The following MBNL3 variants were observed in gnomAD, a reference collection of about 807,000 sequenced individuals.
MBNL3 encodes the protein muscleblind like splicing regulator 3.
MBNL3 carries 6 observed loss-of-function variants against 24.5 expected under a neutral mutation model. The ratio of observed to expected loss-of-function variants is 0.25; its 90% CI spans 0.13 to 0.48. The LOEUF is 0.48. MBNL3 is among the 20% of genes least tolerant of loss of function. MBNL3 has a pLI of 0.99. For missense variants in MBNL3, 230 were observed against 293.5 expected, an observed-to-expected ratio of 0.78 and a Z score of 1.58; for synonymous variants, 100 against 101.7, an observed-to-expected ratio of 0.98 and a Z score of 0.10.
intron 1 of MBNL3, among the ~76,000 whole-genome samples, chrX:132,456,437 T>G (rs1034449371): frequency 8.9e-6 from 1 of 112,131 alleles, no homozygotes; most frequent in Non-Finnish European, 1.9e-5. Context: ...TATTTGTATC[T>G]TCCAAGGTCA....
intron 1 of MBNL3, among the ~76,000 whole-genome samples, chrX:132,447,851 A>C (rs1025393032): frequency 1.8e-5 from 2 of 112,261 alleles, no homozygotes; most frequent in African/African-American, 6.5e-5. Context: ...GAATGCTTCC[A>C]GTTTTTGACC....
At chrX:132,424,681 A>G (rs907053938) in intron 2 of MBNL3, among the ~76,000 whole-genome samples, 4 of 110,779 alleles carry the variant, frequency 3.6e-5, no homozygotes, top group African/African-American at 9.8e-5. Context: ...ATACATTATT[A>G]TTGGAGCTGA....
At position 132,377,207 on chromosome X, in the gene MBNL3, G is replaced by T. The variant is rs779499070; in HGVS notation, c.*2459C>A. On this transcript the variant is annotated 3_prime_UTR_variant, in exon 9 of 9. Coordinates refer to ENST00000370853, the MANE Select transcript of MBNL3 (RefSeq NM_001386889.1). The stretch of plus-strand genomic sequence containing the variant: ...TCAGGTGCATCCCTCCTGGATTCAT[G>T]TAATCAGATCTGCCCTTCTGGAGAG... 6.3e-5 allele frequency: 7 copies of T among 111,893 alleles called. No homozygotes were observed. In the South Asian group the frequency reaches 2.2e-3, roughly 35 times the overall value. The allele number at this position is 111,893 out of a possible 1,213,427, so 9.2% of individuals were successfully genotyped here. A position where few individuals can be genotyped will look rare whatever the true frequency, so the allele number is the denominator to read the frequency against.
intron 8 of MBNL3, 65 bp from the exon 9 acceptor site, chrX:132,379,742 G>T: frequency 1.1e-6 from 1 of 918,653 alleles, no homozygotes; most frequent in Non-Finnish European, 1.6e-6. Context: ...TGAAGGAAGA[G>T]TCAGGAGAGT....
rs375356782 is a variant in MBNL3 at position 132,406,321 on chromosome X, A to G, written c.249T>C (p.Asn83=). The G allele has an allele frequency of 4.1e-6, 5 of 1,209,678 alleles. No homozygotes were observed. The highest frequency in any genetic ancestry group is 5.6e-6 in the Non-Finnish European group (5 of 894,963). Residue 83 remains asparagine (N), a synonymous_variant, in exon 3 of 9, where the codon AAT becomes AAC. Coordinates refer to ENST00000370853, the MANE Select transcript of MBNL3 (RefSeq NM_001386889.1). ...PPHLKTQLEI[N]GRNNLIQQKT... is the part of the protein sequence containing the mutation. Reference sequence around the variant, plus strand: ...TCTGTTGAATCAGATTGTTCCGCCCATTAATCTCCAGCTGCGTTTTTAAGT... The same window carrying G: ...TCTGTTGAATCAGATTGTTCCGCCCGTTAATCTCCAGCTGCGTTTTTAAGT...
intron 1 of MBNL3, among the ~76,000 whole-genome samples, chrX:132,446,132 T>G (rs780623569): frequency 8.9e-6 from 1 of 112,276 alleles, no homozygotes; most frequent in South Asian, 3.7e-4. Flanking sequence ...AACTCATCCT[T>G]TTTTATGGCT....
Position 132,406,396 on chromosome X carries a change from A to C in MBNL3, c.178-4T>G, listed in dbSNP as rs950391828. ...AGTTCTCTCGGGTACACCGACCCTG[A>C]CAATGAAGAATAGGGAAAATATTAA... On this transcript the variant is annotated splice_polypyrimidine_tract_variant and splice_region_variant and intron_variant, in intron 2 of 8. Transcript: ENST00000370853. 5.1e-6 allele frequency: 6 copies of C among 1,179,150 alleles called. No individual in the cohort carries two copies. The highest frequency in any genetic ancestry group is 5.7e-6 in the Non-Finnish European group (5 of 878,878).
At chrX:132,469,200 T>C (rs1947045141) in intron 1 of MBNL3, among the ~76,000 whole-genome samples, 1 of 112,468 alleles carries the variant, frequency 8.9e-6, no homozygotes, top group Non-Finnish European at 1.9e-5. Flanking sequence ...CCATCAAACA[T>C]GTCTGCCCAT....
chrX:132,423,874 T>C (rs1250237504), intron 2 of MBNL3, among the ~76,000 whole-genome samples: 3 of 111,861 alleles, frequency 2.7e-5, no homozygotes. Flanking sequence ...GATAGCCTTA[T>C]AAGCTGCAAA....
chrX:132,432,805 T>C (rs932081976), intron 2 of MBNL3: 2 of 104,757 alleles, frequency 1.9e-5, no homozygotes, highest in African/African-American at 7.0e-5. Context: ...CTTTAAAAAA[T>C]AGAAACAAAA....
Position 132,416,544 on chromosome X carries a change from A to T in MBNL3, c.178-10152T>A, listed in dbSNP as rs190082509. The stretch of plus-strand genomic sequence containing the variant: ...TAGCACAATAGGGTGACTATAGTTA[A>T]TAACAATTTATTGTATATTTTAAAA... On this transcript the variant is annotated intron_variant, in intron 2 of 8. Transcript: ENST00000370853. Among the ~76,000 whole-genome samples, 1,027 of 111,518 alleles carry T rather than the reference A, an allele frequency of 9.2e-3. 8 individuals are homozygous for T. The highest frequency in any genetic ancestry group is 0.032 in the African/African-American group (968 of 30,685).
intron 1 of MBNL3, among the ~76,000 whole-genome samples, chrX:132,450,357 C>T (rs1464988696): frequency 3.6e-5 from 4 of 111,191 alleles, no homozygotes; most frequent in Admixed American, 1.9e-4. Flanking sequence ...GGGCTTTGTT[C>T]GTTCCTTTTT....
intron 1 of MBNL3, among the ~76,000 whole-genome samples, chrX:132,457,032 C>T (rs1327583349): frequency 9.0e-6 from 1 of 111,399 alleles, no homozygotes; most frequent in Non-Finnish European, 1.9e-5. Context: ...AAATGGCTAT[C>T]CAAATCAAAG....
chrX:132,385,223 A>T (rs1304893613), intron 6 of MBNL3, among the ~76,000 whole-genome samples: 2 of 111,084 alleles, frequency 1.8e-5, no homozygotes, highest in African/African-American at 6.5e-5. Context: ...GGGAAAGGGA[A>T]TTTTTCTGAC....
intron 1 of MBNL3, among the ~76,000 whole-genome samples, chrX:132,457,094 A>G (rs1946408693): frequency 8.9e-6 from 1 of 111,961 alleles, no homozygotes; most frequent in Admixed American, 9.5e-5. Context: ...GGAAGCTATA[A>G]TACTACAACA....
intron 2 of MBNL3, chrX:132,431,856 T>C (rs1232458999): frequency 8.9e-6 from 1 of 112,012 alleles, no homozygotes. Context: ...TTTTTAACTT[T>C]TTTCCTCTGA....
chrX:132,396,393 CCT>C (rs201291120), intron 3 of MBNL3, among the ~76,000 whole-genome samples: 34 of 77,769 alleles, frequency 4.4e-4, no homozygotes, highest in African/African-American at 6.3e-4. Flanking sequence ...TATATATATT[CCT>C]ATATATATTC....
intron 1 of MBNL3, among the ~76,000 whole-genome samples, chrX:132,487,706 A>G (rs1948082430): frequency 8.9e-6 from 1 of 112,309 alleles, no homozygotes; most frequent in Non-Finnish European, 1.9e-5. Context: ...AGTATCGCAC[A>G]TTAGAAAAAA....
intron 1 of MBNL3, among the ~76,000 whole-genome samples, chrX:132,476,600 CA>C (rs1347444348): frequency 7.3e-4 from 82 of 112,021 alleles, no homozygotes; most frequent in African/African-American, 2.6e-3. Context: ...ACTCACCTGT[CA>C]AAGGTCTTGA....
Sources: gnomAD v4.1 joint callset for allele counts (sites outside exome capture counted in the v4.1 genomes callset) on GRCh38, gnomAD v4.1.1 for gene constraint, MANE v1.5 for transcripts, NCBI Gene and HGNC (gene_info 2026-07-23, HGNC 2026-07-21) for gene names.